Variants in PAFAH1B1 observed in about 807,000 individuals in gnomAD.
The protein encoded by PAFAH1B1 is platelet-activating factor acetylhydrolase IB subunit beta.
Under a neutral mutation model 57.5 loss-of-function variants are expected in PAFAH1B1, and 2 were observed. The observed-to-expected ratio is 0.03, with a 90% CI of 0.01 to 0.11. The LOEUF (loss-of-function observed/expected upper bound fraction) is 0.11, where lower values mean the gene tolerates loss of function less well. PAFAH1B1 is among the 10% of genes least tolerant of loss of function. The pLI, the probability that PAFAH1B1 is intolerant of heterozygous loss-of-function variation, is 1.00. For missense variants in PAFAH1B1, 257 were observed against 512.0 expected (o/e 0.50, Z 4.81); for synonymous variants, 152 against 169.6 (o/e 0.90, Z 0.81).
intron 2 of PAFAH1B1, among the ~76,000 whole-genome samples, chr17:2,654,751 C>T (rs1196433132): frequency 6.6e-6 from 1 of 152,066 alleles, no homozygotes; most frequent in African/African-American, 2.4e-5. Context: ...AAACCATCCT[C>T]TCACCTCAGC....
At chr17:2,632,168 A>G (rs911968422) in intron 1 of PAFAH1B1, among the ~76,000 whole-genome samples, 48 of 152,276 alleles carry the variant, frequency 3.2e-4, no homozygotes, top group South Asian at 1.7e-3. Flanking sequence ...GCCTCAAACA[A>G]TCCTCCTGCC....
chr17:2,603,481 C>T (rs917521732), intron 1 of PAFAH1B1, among the ~76,000 whole-genome samples: 3 of 151,910 alleles, frequency 2.0e-5, no homozygotes, highest in Admixed American at 6.6e-5. Flanking sequence ...ATTAGCTGAG[C>T]GTGGTGGTAG....
intron 1 of PAFAH1B1, among the ~76,000 whole-genome samples, chr17:2,631,855 G>T (rs563267273): frequency 1.3e-5 from 2 of 152,228 alleles, no homozygotes; most frequent in South Asian, 4.1e-4. Context: ...CCTGCTTCCT[G>T]TCTGCCATGA....
upstream of PAFAH1B1, among the ~76,000 whole-genome samples, chr17:2,593,505 G>C (rs1243641406): frequency 6.6e-6 from 1 of 151,234 alleles, no homozygotes; most frequent in African/African-American, 2.4e-5. Context: ...AGGCAGCGCG[G>C]CCCCGGCCCG....
At chr17:2,655,236 G>T (rs553318622) in intron 2 of PAFAH1B1, among the ~76,000 whole-genome samples, 1 of 149,906 alleles carries the variant, frequency 6.7e-6, no homozygotes, top group African/African-American at 2.5e-5. Context: ...TGAAATGTAG[G>T]CATCTATAAA....
chr17:2,631,774 G>T (rs2068558549), intron 1 of PAFAH1B1, among the ~76,000 whole-genome samples: 1 of 152,152 alleles, frequency 6.6e-6, no homozygotes, highest in African/African-American at 2.4e-5. Flanking sequence ...GTTTGTTCTT[G>T]CAGTGGATCT....
chr17:2,668,543 G>A (rs551540333), intron 5 of PAFAH1B1, among the ~76,000 whole-genome samples: 1 of 152,078 alleles, frequency 6.6e-6, no homozygotes, highest in South Asian at 2.1e-4. Flanking sequence ...GCCAGGTATG[G>A]TGGTGCATGC....
chr17:2,670,349 G>A lies in PAFAH1B1; in HGVS notation c.568+18G>A, dbSNP rs1253036042. On this transcript the variant is annotated intron_variant, in intron 6 of 10. Coordinates refer to ENST00000397195, the MANE Select transcript of PAFAH1B1 (RefSeq NM_000430.4). ...CATGCACGGTAAGGGGTAGAGGATA[G>A]TGCTTTAACAGTAATTTCTATCATG... 5 of 1,601,608 alleles carry A rather than the reference G, an allele frequency of 3.1e-6. No individual in the cohort carries two copies. In the African/African-American group the frequency reaches 5.4e-5, roughly 17 times the overall value.
intron 9 of PAFAH1B1, among the ~76,000 whole-genome samples, chr17:2,678,507 A>G (rs1258478541): frequency 2.6e-5 from 4 of 151,948 alleles, no homozygotes; most frequent in Non-Finnish European, 2.9e-5. Context: ...CGGAGGTTGC[A>G]GTGAGCCGAG....
At chr17:2,630,435 GC>G (rs2151629050) in intron 1 of PAFAH1B1, among the ~76,000 whole-genome samples, 1 of 152,278 alleles carries the variant, frequency 6.6e-6, no homozygotes, top group Admixed American at 6.5e-5. Context: ...CGAAGATAAG[GC>G]CCTAATCCCT....
intron 1 of PAFAH1B1, among the ~76,000 whole-genome samples, chr17:2,620,107 T>A (rs1597524615): frequency 6.6e-6 from 1 of 152,334 alleles, no homozygotes; most frequent in Non-Finnish European, 1.5e-5. Flanking sequence ...TGCTACTTGA[T>A]AAATTCTACC....
intron 7 of PAFAH1B1, 68 bp from the exon 8 acceptor site, chr17:2,673,992 T>G: frequency 9.0e-7 from 1 of 1,112,494 alleles, no homozygotes; most frequent in East Asian, 2.4e-5. Flanking sequence ...GTACATATTT[T>G]TATATCACTT....
At chr17:2,599,663 C>T (rs2068117739) in intron 1 of PAFAH1B1, among the ~76,000 whole-genome samples, 1 of 151,918 alleles carries the variant, frequency 6.6e-6, no homozygotes, top group Non-Finnish European at 1.5e-5. Context: ...GAAAGAGTGG[C>T]TGCATTTCGT....
At chr17:2,673,942 C>A in intron 7 of PAFAH1B1, 118 bp from the exon 8 acceptor site, 3 of 718,526 alleles carry the variant, frequency 4.2e-6, no homozygotes, top group East Asian at 2.7e-5. Flanking sequence ...TTTATTCTGT[C>A]GACTTGCATC....
intron 2 of PAFAH1B1, among the ~76,000 whole-genome samples, chr17:2,645,218 C>T (rs918224585): frequency 3.3e-5 from 5 of 152,062 alleles, no homozygotes; most frequent in African/African-American, 7.2e-5. Flanking sequence ...CTGCACACCA[C>T]TCCAGCAACA....
At chr17:2,602,374 A>C (rs1181072943) in intron 1 of PAFAH1B1, among the ~76,000 whole-genome samples, 1 of 152,220 alleles carries the variant, frequency 6.6e-6, no homozygotes. Flanking sequence ...CACAGAAGAC[A>C]TCTAGGATCC....
intron 1 of PAFAH1B1, among the ~76,000 whole-genome samples, chr17:2,618,376 A>G (rs1316359836): frequency 6.6e-6 from 1 of 152,164 alleles, no homozygotes. Context: ...CTTTTGATAA[A>G]TTTTGCCACC....
chr17:2,665,180 T>C (rs922780435), intron 2 of PAFAH1B1, among the ~76,000 whole-genome samples, 192 bp from the exon 3 acceptor site: 15 of 151,930 alleles, frequency 9.9e-5, no homozygotes, highest in African/African-American at 3.6e-4. Context: ...ATATTATGGA[T>C]GTAGTATGAC....
At chr17:2,663,570 AC>A (rs2069050004) in intron 2 of PAFAH1B1, among the ~76,000 whole-genome samples, 1 of 2,904 alleles carries the variant, frequency 3.4e-4, no homozygotes, top group South Asian at 0.1. Context: ...TTCAGTCTTT[AC>A]TTAACTTATT....
Sources: gnomAD v4.1 joint callset for allele counts (sites outside exome capture counted in the v4.1 genomes callset) on GRCh38, gnomAD v4.1.1 for gene constraint, MANE v1.5 for transcripts, NCBI Gene and HGNC (gene_info 2026-07-23, HGNC 2026-07-21) for gene names.